MBTPS1: variants seen among roughly 807,000 people sequenced by gnomAD.
MBTPS1 encodes the protein membrane bound transcription factor peptidase, site 1, also known as membrane-bound transcription factor site-1 protease.
MBTPS1 carries 94 observed loss-of-function variants against 127.8 expected under a neutral mutation model. The observed-to-expected ratio is 0.74, with a 90% confidence interval of 0.62 to 0.87. The LOEUF (loss-of-function observed/expected upper bound fraction) is 0.87. MBTPS1 is among the 40% of genes least tolerant of loss of function. MBTPS1 has a pLI of 0.00. For missense variants in MBTPS1, 1,636 were observed against 1,353.2 expected (o/e 1.21, Z -3.28); for synonymous variants, 632 against 509.4 (o/e 1.24, Z -3.24).
At chr16:84,100,754 G>A in intron 2 of MBTPS1, among the ~76,000 whole-genome samples, 1 of 151,900 alleles carries the variant, frequency 6.6e-6, no homozygotes, top group Non-Finnish European at 1.5e-5. Flanking sequence ...GAAGGTGTAG[G>A]TAAATAATTC....
chr16:84,084,388 C>G (rs2085987519), intron 10 of MBTPS1, among the ~76,000 whole-genome samples: 1 of 152,184 alleles, frequency 6.6e-6, no homozygotes, highest in Non-Finnish European at 1.5e-5. Flanking sequence ...GCTCTGACAT[C>G]CTTTGCTATA....
chr16:84,101,300 A>T (rs1206849557), intron 2 of MBTPS1, among the ~76,000 whole-genome samples: 1 of 152,046 alleles, frequency 6.6e-6, no homozygotes, highest in Non-Finnish European at 1.5e-5. Context: ...ACTCCATCTC[A>T]AAAACAAAAC....
rs551175378 is a variant in MBTPS1 at position 84,094,671 on chromosome 16, T to C, written c.626-850A>G. 3.8e-3 allele frequency among the ~76,000 whole-genome samples: 575 copies of C among 152,294 alleles called. 2 individuals are homozygous for C. The highest frequency in any genetic ancestry group is 0.014 in the Middle Eastern group (4 of 294). On this transcript the variant is annotated intron_variant, in intron 4 of 22. Transcript: ENST00000343411. ...AAAAATCAATGCTACTTTTAAAAAA[T>C]GCACACACAAAATCAGAAATCATTT...
At chr16:84,073,109 G>A (rs2085797044) in intron 12 of MBTPS1, among the ~76,000 whole-genome samples, 1 of 152,160 alleles carries the variant, frequency 6.6e-6, no homozygotes, top group South Asian at 2.1e-4. Flanking sequence ...CCATTAAGAA[G>A]TATACTGGTG....
intron 11 of MBTPS1, among the ~76,000 whole-genome samples, chr16:84,076,432 A>G (rs1452962507): frequency 6.6e-6 from 1 of 152,240 alleles, no homozygotes; most frequent in Non-Finnish European, 1.5e-5. Context: ...TGTGCTAGAT[A>G]TACCAGCCCA....
chr16:84,069,839 G>A (rs775841469), intron 14 of MBTPS1, 27 bp downstream of exon 14: 1 of 1,598,798 alleles, frequency 6.3e-7, no homozygotes, highest in African/African-American at 1.3e-5. Context: ...GGCTGGGGAG[G>A]TGAAGTGCAT....
intron 20 of MBTPS1, chr16:84,060,423 C>CA: frequency 4.9e-6 from 2 of 410,044 alleles, no homozygotes; most frequent in East Asian, 4.2e-5. Flanking sequence ...TAAACACACT[C>CA]AGAGTGGCGT....
chr16:84,062,765 G>A (rs918136582), intron 19 of MBTPS1, among the ~76,000 whole-genome samples: 4 of 152,152 alleles, frequency 2.6e-5, no homozygotes, highest in Admixed American at 6.5e-5. Flanking sequence ...ATAAAGACGC[G>A]GAGGGAAGAG....
Position 84,095,630 on chromosome 16 carries a change from T to C in MBTPS1, c.597A>G (p.Ala199=), listed in dbSNP as rs767435579. 15 of 1,614,118 alleles carry C rather than the reference T, an allele frequency of 9.3e-6. No homozygotes were observed. Among genetic ancestry groups the C allele is most frequent in the East Asian group, 6.7e-5 (3 of 44,906 alleles). ...TATATCCCATCTGCCAGAGCACATC[T>C]GCCTGCAGTGTCTGGGCAACCTGGC... ...IPRQVAQTLQ[A]DVLWQMGYTG... The change falls in exon 4 of 23, where the codon GCA becomes GCG. Residue 199 remains alanine (A), a synonymous_variant. Transcript: ENST00000343411.
In MBTPS1 at chr16:84,091,219, C is replaced by A. The variant is rs1230415948; in HGVS notation, c.964-277G>T. On this transcript the variant is annotated intron_variant, in intron 7 of 22. Transcript: ENST00000343411. ...AGAAAGAATTGGCAGGGCATGGTGG[C>A]TCACGCCTGTAATCCCAGCACTTTG... Among the ~76,000 whole-genome samples, 3 of 152,116 alleles carry A rather than the reference C, an allele frequency of 2.0e-5. No individual in the cohort carries two copies. In the East Asian group the frequency reaches 5.8e-4, roughly 29 times the overall value.
At chr16:84,112,168 T>C (rs191010374) in intron 1 of MBTPS1, among the ~76,000 whole-genome samples, 20 of 151,734 alleles carry the variant, frequency 1.3e-4, no homozygotes, top group African/African-American at 4.4e-4. Flanking sequence ...AGCCACTGCA[T>C]TCCAGCCTGG....
At chr16:84,068,846 G>A (rs11643050) in intron 14 of MBTPS1, among the ~76,000 whole-genome samples, 2 of 152,096 alleles carry the variant, frequency 1.3e-5, no homozygotes, top group South Asian at 4.1e-4. Context: ...GCCACGCAGG[G>A]CCACGGTGCT....
intron 22 of MBTPS1, among the ~76,000 whole-genome samples, chr16:84,055,083 C>A (rs1232194431): frequency 2.0e-5 from 3 of 152,204 alleles, no homozygotes; most frequent in Non-Finnish European, 4.4e-5. Context: ...GGAAGAAGCA[C>A]CGCTGGCAGT....
At chr16:84,102,263 C>G (rs1226818134) in intron 1 of MBTPS1, among the ~76,000 whole-genome samples, 156 bp from the exon 2 acceptor site, 2 of 152,124 alleles carry the variant, frequency 1.3e-5, no homozygotes, top group Non-Finnish European at 2.9e-5. Flanking sequence ...GGGAAGATCA[C>G]TTGAGCCCAG....
intron 14 of MBTPS1, among the ~76,000 whole-genome samples, chr16:84,069,199 C>T (rs928681047): frequency 3.3e-5 from 5 of 152,212 alleles, no homozygotes; most frequent in Non-Finnish European, 5.9e-5. Context: ...GGAGTTCAAA[C>T]GTAGTCCAAA....
chr16:84,097,503 G>A (rs575655539), intron 3 of MBTPS1, among the ~76,000 whole-genome samples: 2 of 152,154 alleles, frequency 1.3e-5, no homozygotes, highest in Non-Finnish European at 2.9e-5. Flanking sequence ...TCAGGCACCC[G>A]GAACACACGC....
rs1410516243 is a variant in MBTPS1 at position 84,102,012 on chromosome 16, T to G, written c.-229A>C. The G allele has an allele frequency of 5.9e-6, 3 of 508,172 alleles. No individual in the cohort carries two copies. The highest frequency in any genetic ancestry group is 7.1e-6 in the Non-Finnish European group (2 of 283,604). The allele number at this position is 508,172 out of a possible 1,614,324, so 31.5% of individuals were successfully genotyped here. On this transcript the variant is annotated 5_prime_UTR_variant, in exon 2 of 23. Transcript: ENST00000343411. ...TCTTCTCCATCTTGGAAATAAGGCT[T>G]CTCTCACTCAGGCCGTGACGACTGA...
At chr16:84,071,344 G>A (rs1261898821) in intron 12 of MBTPS1, among the ~76,000 whole-genome samples, 1 of 152,296 alleles carries the variant, frequency 6.6e-6, no homozygotes, top group Non-Finnish European at 1.5e-5. Flanking sequence ...ACGTCAATGA[G>A]AGCTTGCAAC....
At chr16:84,071,185 C>T (rs1330326702) in intron 12 of MBTPS1, among the ~76,000 whole-genome samples, 2 of 152,166 alleles carry the variant, frequency 1.3e-5, no homozygotes, top group African/African-American at 4.8e-5. Context: ...AGTAACATGA[C>T]AGGGACACCA....
Sources: allele counts gnomAD v4.1 joint callset (sites outside exome capture counted in the v4.1 genomes callset), GRCh38; gene constraint gnomAD v4.1.1; transcripts MANE v1.5; gene names NCBI Gene and HGNC (gene_info 2026-07-23, HGNC 2026-07-21).